The following PLEKHH1 variants were observed in gnomAD, a reference collection of about 807,000 sequenced individuals.
PLEKHH1 encodes the protein pleckstrin homology domain-containing family H member 1.
In PLEKHH1, 104 loss-of-function variants were observed where a neutral mutation model predicts 160.0. The ratio of observed to expected loss-of-function variants is 0.65; its 90% CI spans 0.55 to 0.76. The LOEUF (loss-of-function observed/expected upper bound fraction) is 0.76, where lower values mean the gene tolerates loss of function less well. Ranked by LOEUF, PLEKHH1 falls within the 30% of genes least tolerant of loss-of-function variation. PLEKHH1 has a pLI of 0.00. For synonymous variants in PLEKHH1, 619 were observed against 678.4 expected (o/e 0.91, Z 1.36); for missense variants, 1,427 against 1,724.1 (o/e 0.83, Z 3.05).
intron 28 of PLEKHH1, 41 bp from the exon 29 acceptor site, chr14:67,587,033 A>G (rs935878745): frequency 6.5e-7 from 1 of 1,542,944 alleles, no homozygotes; most frequent in African/African-American, 1.4e-5. Flanking sequence ...GATTCAAGCC[A>G]AGGCTAGTTC....
At chr14:67,568,012 G>C (rs2035188593) in intron 7 of PLEKHH1, among the ~76,000 whole-genome samples, 1 of 152,204 alleles carries the variant, frequency 6.6e-6, no homozygotes, top group Admixed American at 6.5e-5. Context: ...CTCAGGACGG[G>C]CATTCTCCCA....
Position 67,577,326 on chromosome 14 carries a change from T to C in PLEKHH1, c.2486T>C (p.Met829Thr). The C allele has an allele frequency of 6.3e-7, 1 of 1,576,612 alleles. No individual in the cohort carries two copies. Among genetic ancestry groups the C allele is most frequent in the African/African-American group, 1.4e-5 (1 of 74,028 alleles). Residue 829 changes from methionine (M) to threonine (T), a missense_variant, in exon 18 of 29, where the codon ATG becomes ACG. Transcript: ENST00000329153. Reference protein sequence around the residue: ...DPDSPLWRHPMLCYSKDGLYA... With the variant: ...DPDSPLWRHPTLCYSKDGLYA... Reference sequence around the variant, plus strand: ...GATTCGCCGCTCTGGAGGCACCCCATGCTGTGCTACAGCAAAGACGGCCTA... The same window carrying C: ...GATTCGCCGCTCTGGAGGCACCCCACGCTGTGCTACAGCAAAGACGGCCTA...
chr14:67,542,132 A>G (rs2140328810), intron 2 of PLEKHH1, 139 bp downstream of exon 2: 1 of 815,948 alleles, frequency 1.2e-6, no homozygotes, highest in Non-Finnish European at 1.8e-6. Flanking sequence ...AACCCAAGGT[A>G]GTTTAAGACC....
chr14:67,542,086 C>T, intron 2 of PLEKHH1, 93 bp downstream of exon 2: 2 of 1,193,754 alleles, frequency 1.7e-6, no homozygotes, highest in Non-Finnish European at 2.3e-6. Context: ...GGAAAGTCAA[C>T]TTTCAGTAAG....
Position 67,568,695 on chromosome 14 carries a change from C to T in PLEKHH1, c.1264-443C>T, listed in dbSNP as rs187900320. ...AACTGGCTTACAAAAGAGCCCTTGT[C>T]GTGTGGCCGCAGTGGCTTCCTCATT... is the stretch of plus-strand genomic sequence containing the variant. On this transcript the variant is annotated intron_variant, in intron 7 of 28. Transcript: ENST00000329153. 1.7e-3 allele frequency among the ~76,000 whole-genome samples: 257 copies of T among 152,264 alleles called. 2 individuals are homozygous for T. Among genetic ancestry groups the T allele is most frequent in the African/African-American group, 5.7e-3 (236 of 41,564 alleles).
At chr14:67,580,650 C>T (rs1312223622) in intron 22 of PLEKHH1, among the ~76,000 whole-genome samples, 1 of 152,166 alleles carries the variant, frequency 6.6e-6, no homozygotes, top group African/African-American at 2.4e-5. Flanking sequence ...AGCTGGTGTT[C>T]GAAGGCCATG....
intron 26 of PLEKHH1, 77 bp downstream of exon 26, chr14:67,584,201 C>CA: frequency 6.8e-7 from 1 of 1,460,106 alleles, no homozygotes; most frequent in Non-Finnish European, 9.4e-7. Flanking sequence ...TACCAATTTG[C>CA]AGCCCCTACC....
intron 1 of PLEKHH1, among the ~76,000 whole-genome samples, chr14:67,536,099 A>T (rs1566717625): frequency 6.7e-6 from 1 of 148,858 alleles, no homozygotes; most frequent in African/African-American, 2.6e-5. Context: ...TTTTGTTCTC[A>T]AGGAATGTTG....
Position 67,587,752 on chromosome 14 carries a change from T to C in PLEKHH1, c.*517T>C. ...TAGTAGAGACGGGGTTTCACCATGT[T>C]GGCCAGGCTGGTCTCGAACTCCTGA... is the stretch of plus-strand genomic sequence containing the variant. On this transcript the variant is annotated 3_prime_UTR_variant, in exon 29 of 29. Transcript: ENST00000329153. The C allele has an allele frequency of 6.1e-6, 1 of 162,646 alleles. No individual in the cohort carries two copies. The highest frequency in any genetic ancestry group is 1.3e-5 in the Non-Finnish European group (1 of 74,566). 10.1% of individuals were successfully genotyped at this position (162,646 alleles called of 1,614,324 possible).
Position 67,563,032 on chromosome 14 carries a change from G to A in PLEKHH1, c.1263+138G>A, listed in dbSNP as rs898965462. 7 of 824,114 alleles carry A rather than the reference G, an allele frequency of 8.5e-6. No homozygotes were observed. In the African/African-American group the frequency reaches 8.6e-5, roughly 10 times the overall value. 51.1% of individuals were successfully genotyped at this position (824,114 alleles called of 1,614,324 possible). A position where few individuals can be genotyped will look rare whatever the true frequency, so the allele number is the denominator to read the frequency against. The stretch of plus-strand genomic sequence containing the variant: ...GGCCCTGGCAGGCAGGTACCATGGA[G>A]CCTGTGCAGACCACACAACCAGTGA... On this transcript the variant is annotated intron_variant, in intron 7 of 28. Transcript: ENST00000329153.
At chr14:67,569,105 G>A (rs372316049) in intron 7 of PLEKHH1, 33 bp from the exon 8 acceptor site, 135 of 1,484,378 alleles carry the variant, frequency 9.1e-5, no homozygotes, top group Non-Finnish European at 1.1e-4. Flanking sequence ...GCATCATGCC[G>A]GGCCCTGAGC....
rs1349820892 is a variant in PLEKHH1, at chr14:67,585,959, C to T, written c.3795C>T (p.His1265=). Residue 1265 remains histidine (H), a synonymous_variant, in exon 28 of 29, where the codon CAC becomes CAT. Coordinates refer to ENST00000329153, the MANE Select transcript of PLEKHH1 (RefSeq NM_020715.3). ...SILDHNTMQV[H]ITYPYSSVTT... ...CTGGTTCCTTTCCACAGCAAGTGCA[C>T]ATCACTTACCCCTACTCTTCAGTGA... is the stretch of plus-strand genomic sequence containing the variant. 2 of 1,612,228 alleles carry T rather than the reference C, an allele frequency of 1.2e-6. No individual in the cohort carries two copies. The highest frequency in any genetic ancestry group is 3.3e-5 in the Admixed American group (2 of 59,806).
At position 67,575,428 on chromosome 14, in the gene PLEKHH1, C is replaced by A. The variant is rs370381025; in HGVS notation, c.2125C>A (p.Leu709Ile). The A allele has an allele frequency of 1.9e-6, 3 of 1,610,264 alleles. No individual in the cohort carries two copies. Among genetic ancestry groups the A allele is most frequent in the Non-Finnish European group, 2.5e-6 (3 of 1,178,314 alleles). ...HGHSKVVWCA[L>I]VGKIFYYYRS... ...CCACTCCAAGGTGGTCTGGTGCGCT[C>A]TTGTTGGGAAAATCTTCTACTACTA... The change falls in exon 15 of 29, where the codon CTT becomes ATT. Residue 709 changes from leucine to isoleucine, a missense_variant. Transcript: ENST00000329153.
chr14:67,586,859 G>A (rs1218145217), intron 28 of PLEKHH1: 4 of 1,508,812 alleles, frequency 2.7e-6, no homozygotes, highest in Middle Eastern at 3.4e-4. Context: ...AGGGCACTGT[G>A]CATCTGAGAG....
chr14:67,587,261 C>T lies in PLEKHH1; in HGVS notation c.*26C>T, dbSNP rs1255402715. On this transcript the variant is annotated 3_prime_UTR_variant, in exon 29 of 29. Transcript: ENST00000329153. ...ATATTTCTCCTACCCGATTCCCCAACACCACTAGTGCCTCTGGATTTAGAG... is the reference window on the plus strand; with the variant it reads ...ATATTTCTCCTACCCGATTCCCCAATACCACTAGTGCCTCTGGATTTAGAG... The T allele has an allele frequency of 1.2e-6, 2 of 1,612,374 alleles. No individual in the cohort carries two copies. The highest frequency in any genetic ancestry group is 1.7e-6 in the Non-Finnish European group (2 of 1,178,530).
At chr14:67,586,924 G>A (rs2036195637) in intron 28 of PLEKHH1, 150 bp from the exon 29 acceptor site, 1 of 1,540,414 alleles carries the variant, frequency 6.5e-7, no homozygotes, top group African/African-American at 1.4e-5. Context: ...GCACAGTTAT[G>A]ATTCCCTTTG....
rs1408239476 is a variant in PLEKHH1 at position 67,576,628 on chromosome 14, G to A, written c.2461+125G>A. 4 of 555,254 alleles carry A rather than the reference G, an allele frequency of 7.2e-6. No homozygotes were observed. The highest frequency in any genetic ancestry group is 6.6e-5 in the Admixed American group (2 of 30,308). 34.4% of individuals were successfully genotyped at this position (555,254 alleles called of 1,614,324 possible). A position where few individuals can be genotyped will look rare whatever the true frequency, so the allele number is the denominator to read the frequency against. The stretch of plus-strand genomic sequence containing the variant: ...TTTTAAAACATCTAAGCCACAGAGG[G>A]GAAGTTCCCATCCAAGCTCCAGGGC... On this transcript the variant is annotated intron_variant, in intron 17 of 28. Transcript: ENST00000329153. The surrounding 1 kb of genome is among the most constrained non-coding windows in gnomAD (Gnocchi z 4.0).
intron 21 of PLEKHH1, 49 bp from the exon 22 acceptor site, chr14:67,579,672 G>T (rs1202542705): frequency 6.3e-7 from 1 of 1,578,464 alleles, no homozygotes; most frequent in Non-Finnish European, 8.6e-7. Context: ...GCCCTAGTGA[G>T]CTCCTCTCAG....
At chr14:67,580,406 CCTGG>C (rs2035839207) in intron 22 of PLEKHH1, 1 of 168,120 alleles carries the variant, frequency 5.9e-6, no homozygotes, top group African/African-American at 2.4e-5. Flanking sequence ...GGATTACTGT[CCTGG>C]GGGATAAGTG....
Sources: allele counts gnomAD v4.1 joint callset (sites outside exome capture counted in the v4.1 genomes callset), GRCh38; gene constraint gnomAD v4.1.1; non-coding constraint Gnocchi (gnomAD v3.1); transcripts MANE v1.5; gene names NCBI Gene and HGNC (gene_info 2026-07-23, HGNC 2026-07-21).